The following FRMPD3 variants were observed in gnomAD, a reference collection of about 807,000 sequenced individuals.
The protein encoded by FRMPD3 is FERM and PDZ domain-containing protein 3.
FRMPD3 carries 42 observed loss-of-function variants against 97.9 expected under a neutral mutation model. The ratio of observed to expected loss-of-function variants is 0.43; its 90% CI spans 0.34 to 0.55. The LOEUF (loss-of-function observed/expected upper bound fraction) is 0.55, where lower values mean the gene tolerates loss of function less well. Ranked by LOEUF, FRMPD3 falls within the 20% of genes least tolerant of loss-of-function variation. The pLI is 0.03. For missense variants in FRMPD3, 1,303 were observed against 1,457.7 expected (o/e 0.89, Z 1.73); for synonymous variants, 577 against 581.1 (o/e 0.99, Z 0.10).
In FRMPD3 at chrX:107,594,033, G is replaced by A. The variant is rs1924041167; in HGVS notation, c.1442-3288G>A. The stretch of plus-strand genomic sequence containing the variant: ...GCATAGGCTGTGTTTTCATTTGTTT[G>A]TGTCATCTGTGATTTCTTTCAGCAG... On this transcript the variant is annotated intron_variant, in intron 13 of 14. Coordinates refer to ENST00000683843, the MANE Select transcript of FRMPD3 (RefSeq NM_001388459.1). Among the ~76,000 whole-genome samples the A allele has an allele frequency of 3.6e-5, 4 of 111,914 alleles. No homozygotes were observed. The South Asian group carries it at 1.5e-3, about 42-fold the overall frequency.
intron 4 of FRMPD3, among the ~76,000 whole-genome samples, chrX:107,537,112 G>A (rs1283963786): frequency 1.8e-5 from 2 of 111,204 alleles, no homozygotes; most frequent in African/African-American, 3.3e-5. Context: ...CCTTTGCTGC[G>A]GCCAGGCTGA....
chrX:107,481,856 A>G (rs1246177489), intron 1 of FRMPD3, among the ~76,000 whole-genome samples: 1 of 112,279 alleles, frequency 8.9e-6, no homozygotes, highest in Non-Finnish European at 1.9e-5. Context: ...ATAACACATG[A>G]ATGTAGGTGG....
At chrX:107,510,203 T>C (rs984204693) in intron 1 of FRMPD3, among the ~76,000 whole-genome samples, 1 of 103,534 alleles carries the variant, frequency 9.7e-6, no homozygotes, top group African/African-American at 3.5e-5. Flanking sequence ...TAACTGAAGG[T>C]TGGGCCAAAA....
intron 8 of FRMPD3, among the ~76,000 whole-genome samples, chrX:107,558,789 T>C (rs763030559): frequency 2.0e-4 from 22 of 111,008 alleles, no homozygotes; most frequent in Admixed American, 1.3e-3. Context: ...GTTCAAACAA[T>C]TCTCCTGCCT....
At chrX:107,588,250 T>A (rs1422482822) in intron 13 of FRMPD3, among the ~76,000 whole-genome samples, 3 of 110,043 alleles carry the variant, frequency 2.7e-5, no homozygotes, top group Non-Finnish European at 5.7e-5. Flanking sequence ...GTGGTTGATC[T>A]TCTTCTTCTT....
rs757656400 is a variant in FRMPD3 at position 107,550,030 on chromosome X, T to A, written c.403-19T>A. ...TCTAAATGAGCCGGTCTCCTTGTCC[T>A]TTCCCTGCTTGTTCACAGAAAATGA... On this transcript the variant is annotated intron_variant, in intron 5 of 14. Transcript: ENST00000683843. The A allele has an allele frequency of 4.6e-6, 5 of 1,082,384 alleles. No individual in the cohort carries two copies. Among genetic ancestry groups the A allele is most frequent in the Non-Finnish European group, 6.4e-6 (5 of 782,550 alleles). 89.2% of individuals were successfully genotyped at this position (1,082,384 alleles called of 1,213,427 possible). A position where few individuals can be genotyped will look rare whatever the true frequency, so the allele number is the denominator to read the frequency against.
intron 1 of FRMPD3, among the ~76,000 whole-genome samples, chrX:107,521,876 A>G (rs1258832821): frequency 8.9e-6 from 1 of 112,805 alleles, no homozygotes; most frequent in Non-Finnish European, 1.9e-5. Context: ...TAGCTGTTAC[A>G]TTTCCATCTT....
At chrX:107,569,121 C>A (rs1156938956) in intron 12 of FRMPD3, among the ~76,000 whole-genome samples, 1 of 110,387 alleles carries the variant, frequency 9.1e-6, no homozygotes, top group Non-Finnish European at 1.9e-5. Context: ...ATGGCAAAAC[C>A]CTGTCTCTAC....
chrX:107,507,397 C>T (rs986296837), intron 1 of FRMPD3, among the ~76,000 whole-genome samples: 3 of 108,128 alleles, frequency 2.8e-5, no homozygotes, highest in African/African-American at 1.0e-4. Context: ...AGATAAGGGG[C>T]GAGGGGAATC....
chrX:107,522,317 C>T (rs1922533554), intron 1 of FRMPD3: 1 of 502,424 alleles, frequency 2.0e-6, no homozygotes, highest in Admixed American at 2.8e-5. Context: ...CTTCTGTAAC[C>T]ATGATCTCAT....
At chrX:107,559,636 G>A (rs1021517821) in intron 8 of FRMPD3, among the ~76,000 whole-genome samples, 1 of 112,165 alleles carries the variant, frequency 8.9e-6, no homozygotes, top group Non-Finnish European at 1.9e-5. Context: ...CTGACTCATT[G>A]ATAGCTGGGG....
chrX:107,542,740 A>G (rs903746692), intron 4 of FRMPD3, among the ~76,000 whole-genome samples: 1 of 112,223 alleles, frequency 8.9e-6, no homozygotes, highest in Non-Finnish European at 1.9e-5. Flanking sequence ...ATGAATCTCA[A>G]CTGCAGTGTA....
rs1029985117 is a variant in FRMPD3, at chrX:107,517,016, C to A, written c.-7-9566C>A. Among the ~76,000 whole-genome samples the A allele has an allele frequency of 2.7e-5, 3 of 111,954 alleles. No homozygotes were observed. The East Asian group carries it at 8.4e-4, about 31-fold the overall frequency. On this transcript the variant is annotated intron_variant, in intron 1 of 14. Coordinates refer to ENST00000683843, the MANE Select transcript of FRMPD3 (RefSeq NM_001388459.1). ...AGGGTTTTTATGGTTTTAGGTCCAA[C>A]ATTTAAGTCTTTAATCCATCTTGAA...
chrX:107,548,142 CT>C (rs1921701496), intron 5 of FRMPD3, among the ~76,000 whole-genome samples: 1 of 112,246 alleles, frequency 8.9e-6, no homozygotes, highest in African/African-American at 3.2e-5. Flanking sequence ...TCTCATCTGG[CT>C]TCTCAAATCA....
intron 2 of FRMPD3, among the ~76,000 whole-genome samples, chrX:107,527,113 C>T (rs1161572329): frequency 8.9e-6 from 1 of 111,805 alleles, no homozygotes; most frequent in East Asian, 2.8e-4. Context: ...GCAATGTTGT[C>T]GGGAAGTACA....
intron 1 of FRMPD3, among the ~76,000 whole-genome samples, chrX:107,480,361 G>A (rs1921312368): frequency 9.0e-6 from 1 of 111,622 alleles, no homozygotes; most frequent in East Asian, 2.8e-4. Flanking sequence ...CTGATACTTG[G>A]GATGAGTGAA....
chrX:107,494,327 C>G (rs1921728473), intron 1 of FRMPD3, among the ~76,000 whole-genome samples: 1 of 111,986 alleles, frequency 8.9e-6, no homozygotes, highest in Non-Finnish European at 1.9e-5. Context: ...TGATACCACT[C>G]AGAGGCCCAA....
At chrX:107,593,065 C>T (rs958203113) in intron 13 of FRMPD3, among the ~76,000 whole-genome samples, 6 of 111,658 alleles carry the variant, frequency 5.4e-5, no homozygotes, top group African/African-American at 1.6e-4. Context: ...CATGTGCTAT[C>T]GCGCCCAGCC....
At chrX:107,483,422 C>T (rs1921425705) in intron 1 of FRMPD3, among the ~76,000 whole-genome samples, 3 of 112,449 alleles carry the variant, frequency 2.7e-5, no homozygotes, top group Admixed American at 1.9e-4. Flanking sequence ...CCTAACTTCC[C>T]CCACTGAGGC....
Sources: allele counts gnomAD v4.1 joint callset (sites outside exome capture counted in the v4.1 genomes callset), GRCh38; gene constraint gnomAD v4.1.1; transcripts MANE v1.5; gene names NCBI Gene and HGNC (gene_info 2026-07-23, HGNC 2026-07-21).